MAP2K4: variants seen among roughly 807,000 people sequenced by gnomAD.
MAP2K4 encodes the protein dual specificity mitogen-activated protein kinase kinase 4.
In MAP2K4, 4 loss-of-function variants were observed where a neutral mutation model predicts 48.5. The observed-to-expected ratio is 0.08, with a 90% CI of 0.04 to 0.19. The LOEUF is 0.19. MAP2K4 is among the 10% of genes least tolerant of loss of function. MAP2K4 has a pLI of 1.00. For synonymous variants in MAP2K4, 166 were observed against 173.1 expected (o/e 0.96, Z 0.32); for missense variants, 258 against 493.3 (o/e 0.52, Z 4.52).
intron 2 of MAP2K4, among the ~76,000 whole-genome samples, chr17:12,065,266 A>ATTG (rs1463735228): frequency 7.0e-6 from 1 of 142,312 alleles, no homozygotes; most frequent in Non-Finnish European, 1.5e-5. Flanking sequence ...ATATATTATT[A>ATTG]TTATTATTAT....
At chr17:12,036,519 T>G (rs1385732489) in intron 1 of MAP2K4, 1 of 152,186 alleles carries the variant, frequency 6.6e-6, no homozygotes, top group Non-Finnish European at 1.5e-5. Flanking sequence ...AAAACATTTT[T>G]TTCTCACAAG....
chr17:12,067,760 G>C (rs893597904), intron 2 of MAP2K4, among the ~76,000 whole-genome samples: 2 of 152,180 alleles, frequency 1.3e-5, no homozygotes, highest in Non-Finnish European at 2.9e-5. Context: ...TTTAGCAAAT[G>C]TTTGTTGAAT....
intron 9 of MAP2K4, among the ~76,000 whole-genome samples, chr17:12,132,240 A>G (rs1265149368): frequency 1.3e-5 from 2 of 152,236 alleles, no homozygotes; most frequent in East Asian, 1.9e-4. Context: ...AGTTCTGACT[A>G]TATACCCAAC....
chr17:12,067,741 T>C (rs1439317016), intron 2 of MAP2K4, among the ~76,000 whole-genome samples: 1 of 152,262 alleles, frequency 6.6e-6, no homozygotes, highest in Non-Finnish European at 1.5e-5. Context: ...GTATGTGTTC[T>C]TTCATACATT....
intron 1 of MAP2K4, among the ~76,000 whole-genome samples, chr17:12,051,488 T>G (rs1970137704): frequency 1.3e-5 from 2 of 152,236 alleles, no homozygotes; most frequent in South Asian, 4.1e-4. Context: ...GATGCCTCGT[T>G]TCTCTCCTGC....
Position 12,115,674 on chromosome 17 carries a change from A to G in MAP2K4, c.813+2314A>G, listed in dbSNP as rs878976025. The G allele has an allele frequency of 2.0e-5, 15 of 756,880 alleles. No individual in the cohort carries two copies. In the South Asian group the frequency reaches 2.0e-4, roughly 10 times the overall value. 46.9% of individuals were successfully genotyped at this position (756,880 alleles called of 1,614,324 possible). On this transcript the variant is annotated intron_variant, in intron 7 of 10. Coordinates refer to ENST00000353533, the MANE Select transcript of MAP2K4 (RefSeq NM_003010.4). ...TAACACAGCAAAGTGAACCAGTGGA[A>G]CACAAATGTAGTAGAACAAACTTCA...
intron 1 of MAP2K4, among the ~76,000 whole-genome samples, chr17:12,030,233 A>G (rs1361842510): frequency 6.6e-6 from 1 of 152,206 alleles, no homozygotes; most frequent in Non-Finnish European, 1.5e-5. Flanking sequence ...TAATAATGTT[A>G]AGAAAGTTAC....
intron 1 of MAP2K4, among the ~76,000 whole-genome samples, chr17:12,047,292 T>A (rs1969998247): frequency 6.6e-6 from 1 of 152,186 alleles, no homozygotes; most frequent in African/African-American, 2.4e-5. Context: ...CCATCATAAA[T>A]GTAGACAGTT....
chr17:12,125,502 A>G (rs942364424), intron 8 of MAP2K4, 131 bp downstream of exon 8: 14 of 410,942 alleles, frequency 3.4e-5, no homozygotes, highest in South Asian at 6.9e-5. Flanking sequence ...TAAGTTGCTG[A>G]AAAAAAAAAA....
intron 7 of MAP2K4, among the ~76,000 whole-genome samples, chr17:12,120,650 T>G (rs1972659878): frequency 6.6e-6 from 1 of 150,988 alleles, no homozygotes; most frequent in African/African-American, 2.4e-5. Flanking sequence ...TTTATAAAAC[T>G]GAAGAGAGAC....
intron 7 of MAP2K4, chr17:12,115,901 G>T: frequency 1.7e-6 from 1 of 591,898 alleles, no homozygotes; most frequent in Non-Finnish European, 3.2e-6. Context: ...TCCTAGTCCA[G>T]CCTGTGACCT....
chr17:12,101,898 C>T (rs1172664582), intron 4 of MAP2K4, among the ~76,000 whole-genome samples: 1 of 151,948 alleles, frequency 6.6e-6, no homozygotes, highest in African/African-American at 2.4e-5. Flanking sequence ...ATTCCAGTAG[C>T]TTTTTTTACC....
intron 9 of MAP2K4, among the ~76,000 whole-genome samples, chr17:12,136,607 G>C (rs1477190727): frequency 6.6e-6 from 1 of 152,192 alleles, no homozygotes; most frequent in African/African-American, 2.4e-5. Flanking sequence ...TACCTTATTA[G>C]ATAGTCTAAG....
rs1024229577 is a variant in MAP2K4 at position 12,111,467 on chromosome 17, T to C, written c.685+1041T>C. ...TCTTTGTTTCTCTTGTATTTCTTCT[T>C]GTTCTTGTCTTGATTTTTTTTTTTT... On this transcript the variant is annotated intron_variant, in intron 6 of 10. Transcript: ENST00000353533. Among the ~76,000 whole-genome samples, 4 of 152,090 alleles carry C rather than the reference T, an allele frequency of 2.6e-5. No homozygotes were observed. In the East Asian group the frequency reaches 7.7e-4, roughly 29 times the overall value.
At chr17:12,122,045 C>T (rs913175685) in intron 7 of MAP2K4, among the ~76,000 whole-genome samples, 2 of 152,176 alleles carry the variant, frequency 1.3e-5, no homozygotes, top group African/African-American at 4.8e-5. Flanking sequence ...CTTGGGACCC[C>T]AATTTACTAT....
At chr17:12,025,844 C>G (rs1969236483) in intron 1 of MAP2K4, among the ~76,000 whole-genome samples, 1 of 152,102 alleles carries the variant, frequency 6.6e-6, no homozygotes, top group Non-Finnish European at 1.5e-5. Context: ...AAATGTCCTG[C>G]TTTTGATTTT....
chr17:12,063,523 A>C (rs1970518518), intron 2 of MAP2K4, among the ~76,000 whole-genome samples: 1 of 152,228 alleles, frequency 6.6e-6, no homozygotes, highest in Admixed American at 6.5e-5. Context: ...GTAAAAGCAA[A>C]AACTCTATAA....
chr17:12,135,407 A>T (rs1177873952), intron 9 of MAP2K4, among the ~76,000 whole-genome samples: 1 of 151,876 alleles, frequency 6.6e-6, no homozygotes, highest in East Asian at 2.0e-4. Flanking sequence ...TCTTAAAAAA[A>T]TTTTTGTAGA....
chr17:12,034,726 A>C (rs1266366142), intron 1 of MAP2K4, among the ~76,000 whole-genome samples: 2 of 152,182 alleles, frequency 1.3e-5, no homozygotes, highest in Non-Finnish European at 2.9e-5. Context: ...TTGATTTTTA[A>C]CTGGAACCAG....
Sources: allele counts gnomAD v4.1 joint callset (sites outside exome capture counted in the v4.1 genomes callset), GRCh38; gene constraint gnomAD v4.1.1; transcripts MANE v1.5; gene names NCBI Gene and HGNC (gene_info 2026-07-23, HGNC 2026-07-21).